The following UBAC2 variants were observed in gnomAD, a reference collection of about 807,000 sequenced individuals.
UBAC2 encodes UBA domain containing 2.
UBAC2 carries 26 observed loss-of-function variants against 44.0 expected under a neutral mutation model. The observed-to-expected ratio is 0.59, with a 90% CI of 0.43 to 0.82. UBAC2 has a LOEUF of 0.82. Among genes scored for constraint, UBAC2 ranks in the 40% least tolerant of loss-of-function variants. The pLI, the probability that UBAC2 is intolerant of heterozygous loss-of-function variation, is 0.00. For synonymous variants in UBAC2, 155 were observed against 154.3 expected, an observed-to-expected ratio of 1.00 and a Z score of -0.04; for missense variants, 329 against 419.4, an observed-to-expected ratio of 0.78 and a Z score of 1.88.
chr13:99,350,771 G>C (rs994355523), intron 7 of UBAC2, among the ~76,000 whole-genome samples: 1 of 152,240 alleles, frequency 6.6e-6, no homozygotes, highest in African/African-American at 2.4e-5. Context: ...GGTTAGAACC[G>C]CAGGTTAGGT....
chr13:99,324,000 T>C (rs1156356060), intron 6 of UBAC2, among the ~76,000 whole-genome samples: 2 of 152,216 alleles, frequency 1.3e-5, no homozygotes, highest in African/African-American at 4.8e-5. Flanking sequence ...GGCAAAAATC[T>C]AGCCTCCTTT....
intron 1 of UBAC2, among the ~76,000 whole-genome samples, chr13:99,231,895 T>C (rs1465608392): frequency 6.6e-6 from 1 of 152,192 alleles, no homozygotes; most frequent in East Asian, 1.9e-4. Context: ...AGAAGTGACA[T>C]ACATGATTGG....
intron 7 of UBAC2, among the ~76,000 whole-genome samples, chr13:99,354,113 C>G (rs765401155): frequency 6.6e-6 from 1 of 152,264 alleles, no homozygotes; most frequent in African/African-American, 2.4e-5. Context: ...CCGCACCCCC[C>G]TTCACTGCTC....
rs547127324 is a variant in UBAC2, at chr13:99,225,954, A to T, written c.32-12473A>T. Among the ~76,000 whole-genome samples, 140 of 152,344 alleles carry T rather than the reference A, an allele frequency of 9.2e-4. 1 individual carries two copies. Among genetic ancestry groups the T allele is most frequent in the Middle Eastern group, 3.4e-3 (1 of 294 alleles). ...ATCATAGAGTTGATGGATCACTATT[A>T]AATCCACTGTTAAGTGCTATGAAAA... On this transcript the variant is annotated intron_variant, in intron 1 of 8. Coordinates refer to ENST00000403766, the MANE Select transcript of UBAC2 (RefSeq NM_001144072.2).
Position 99,255,697 on chromosome 13 carries a change from A to G in UBAC2, c.389+11073A>G, listed in dbSNP as rs990432598. On this transcript the variant is annotated intron_variant, in intron 4 of 8. Coordinates refer to ENST00000403766, the MANE Select transcript of UBAC2 (RefSeq NM_001144072.2). ...CACTAATGCCACATTCATCATATAG[A>G]TGGTTACCGTGGTTCTCTTCTTGGT... 6.2e-6 allele frequency: 10 copies of G among 1,613,976 alleles called. No homozygotes were observed. The African/African-American group carries it at 8.0e-5, about 13-fold the overall frequency.
At chr13:99,289,897 C>T (rs746050359) in intron 4 of UBAC2, among the ~76,000 whole-genome samples, 13 of 152,156 alleles carry the variant, frequency 8.5e-5, no homozygotes, top group Non-Finnish European at 1.5e-4. Context: ...GTGACACACG[C>T]GTCTTTTGCC....
In UBAC2 at chr13:99,309,462, A is replaced by G. The variant is rs2044383264; in HGVS notation, c.390-4635A>G. Among the ~76,000 whole-genome samples the G allele has an allele frequency of 6.6e-5, 10 of 152,194 alleles. No individual in the cohort carries two copies. The South Asian group carries it at 2.1e-3, about 32-fold the overall frequency. Reference sequence around the variant, plus strand: ...CAGATGAAGAAGAGGTGATGGGGTCATTATCCTGTAAGAGGCCGCTGAAGC... The same window carrying G: ...CAGATGAAGAAGAGGTGATGGGGTCGTTATCCTGTAAGAGGCCGCTGAAGC... On this transcript the variant is annotated intron_variant, in intron 4 of 8. Coordinates refer to ENST00000403766, the MANE Select transcript of UBAC2 (RefSeq NM_001144072.2).
intron 4 of UBAC2, among the ~76,000 whole-genome samples, chr13:99,280,742 A>G (rs980988953): frequency 3.3e-5 from 5 of 152,100 alleles, no homozygotes; most frequent in African/African-American, 1.2e-4. Flanking sequence ...TAGTTGCTTC[A>G]GTTATTTTTT....
intron 4 of UBAC2, among the ~76,000 whole-genome samples, chr13:99,266,188 T>C (rs2043741629): frequency 6.6e-6 from 1 of 151,690 alleles, no homozygotes. Flanking sequence ...AATGTTACTT[T>C]ATGAATATTT....
At chr13:99,357,299 C>T (rs1192973192) in intron 7 of UBAC2, among the ~76,000 whole-genome samples, 1 of 152,190 alleles carries the variant, frequency 6.6e-6, no homozygotes, top group Non-Finnish European at 1.5e-5. Context: ...CACCCAACAG[C>T]ACATTTCTCA....
chr13:99,329,608 G>T (rs892704117), intron 6 of UBAC2, among the ~76,000 whole-genome samples: 1 of 152,192 alleles, frequency 6.6e-6, no homozygotes, highest in Non-Finnish European at 1.5e-5. Flanking sequence ...CCCTTGGGGA[G>T]CCCATCTACC....
chr13:99,291,289 T>C (rs550903082), intron 4 of UBAC2, among the ~76,000 whole-genome samples: 1 of 152,354 alleles, frequency 6.6e-6, no homozygotes, highest in African/African-American at 2.4e-5. Flanking sequence ...TTAAGCAACC[T>C]GCTTTTCTGA....
chr13:99,266,778 C>T lies in UBAC2; in HGVS notation c.389+22154C>T, dbSNP rs2043749517. ...AAGTTCATTCACACTGCTGTGCAGC[C>T]AACCTCCAGGACATTTTCATCTTCC... On this transcript the variant is annotated intron_variant, in intron 4 of 8. Transcript: ENST00000403766. 4.6e-5 allele frequency among the ~76,000 whole-genome samples: 7 copies of T among 152,148 alleles called. No homozygotes were observed. The South Asian group carries it at 1.5e-3, about 32-fold the overall frequency.
intron 6 of UBAC2, among the ~76,000 whole-genome samples, chr13:99,336,126 G>C (rs1163023842): frequency 6.6e-6 from 1 of 152,068 alleles, no homozygotes; most frequent in African/African-American, 2.4e-5. Flanking sequence ...ATCTTTTCAT[G>C]AGTTTGTCAG....
chr13:99,245,216 G>A (rs1400156418), intron 4 of UBAC2, among the ~76,000 whole-genome samples: 1 of 152,098 alleles, frequency 6.6e-6, no homozygotes, highest in African/African-American at 2.4e-5. Flanking sequence ...AATTAGTTTT[G>A]TGTGTTTTTA....
At chr13:99,266,870 G>T (rs559294932) in intron 4 of UBAC2, among the ~76,000 whole-genome samples, 1 of 152,120 alleles carries the variant, frequency 6.6e-6, no homozygotes, top group Non-Finnish European at 1.5e-5. Context: ...GTTCTTTTGG[G>T]TTATATCCCT....
intron 8 of UBAC2, among the ~76,000 whole-genome samples, chr13:99,381,117 A>G (rs2045545072): frequency 6.6e-6 from 1 of 152,254 alleles, no homozygotes; most frequent in Non-Finnish European, 1.5e-5. Context: ...TTACTCTAGG[A>G]TGTCACCTAC....
At chr13:99,233,259 C>T (rs868274210) in intron 1 of UBAC2, among the ~76,000 whole-genome samples, 5 of 151,934 alleles carry the variant, frequency 3.3e-5, no homozygotes, top group African/African-American at 4.8e-5. Flanking sequence ...ACTGCAGGCA[C>T]GCACCACCAT....
At chr13:99,340,690 A>G (rs1426651200) in intron 7 of UBAC2, 125 bp downstream of exon 7, 1 of 1,109,338 alleles carries the variant, frequency 9.0e-7, no homozygotes, top group Non-Finnish European at 1.3e-6. Flanking sequence ...GGATTTTGAC[A>G]TTTCCAAAGA....
Sources: gnomAD v4.1 joint callset for allele counts (sites outside exome capture counted in the v4.1 genomes callset) on GRCh38, gnomAD v4.1.1 for gene constraint, MANE v1.5 for transcripts, NCBI Gene and HGNC (gene_info 2026-07-23, HGNC 2026-07-21) for gene names.